Variants in UGT3A1 observed in about 807,000 individuals in gnomAD.
UGT3A1 encodes UDP glycosyltransferase family 3 member A1, also known as UDP-glycosyltransferase 3A1.
UGT3A1 carries 40 observed loss-of-function variants against 37.6 expected under a neutral mutation model. That is an observed-to-expected ratio of 1.06 (90% confidence interval 0.83 to 1.38). UGT3A1 has a LOEUF of 1.38. UGT3A1 is among the 40% of genes most tolerant of loss of function. The pLI is 0.00. For synonymous variants in UGT3A1, 256 were observed against 232.3 expected (o/e 1.10, Z -0.93); for missense variants, 642 against 634.2 (o/e 1.01, Z -0.13).
rs201281335 is a variant in UGT3A1, at chr5:35,957,384, T to G, written c.879A>C (p.Ala293=). ...LDNFIANFGD[A]GFVLVAFGSM... is the part of the protein sequence containing the mutation. ...AGCCAAAGGCCACAAGGACAAACCC[T>G]GCATCCCCAAAGTTGGCAATGAAGT... The change falls in exon 5 of 7, where the codon GCA becomes GCC. Residue 293 remains alanine, a synonymous_variant. Coordinates refer to ENST00000274278, the MANE Select transcript of UGT3A1 (RefSeq NM_152404.4). The G allele has an allele frequency of 5.0e-6, 8 of 1,614,118 alleles. No homozygotes were observed. Among genetic ancestry groups the G allele is most frequent in the Non-Finnish European group, 6.8e-6 (8 of 1,180,004 alleles).
At chr5:35,959,714 G>A (rs1237128477) in intron 4 of UGT3A1, among the ~76,000 whole-genome samples, 1 of 151,880 alleles carries the variant, frequency 6.6e-6, no homozygotes, top group Non-Finnish European at 1.5e-5. Context: ...CACTACGAGA[G>A]AAAATGAAAG....
intron 2 of UGT3A1, among the ~76,000 whole-genome samples, chr5:35,986,029 G>A (rs1740715719): frequency 6.6e-6 from 1 of 151,948 alleles, no homozygotes; most frequent in African/African-American, 2.4e-5. Context: ...AGTTAAAAAT[G>A]GGAAAAAGAT....
chr5:35,984,625 A>G (rs1402156970), intron 2 of UGT3A1, among the ~76,000 whole-genome samples: 2 of 151,894 alleles, frequency 1.3e-5, no homozygotes, highest in Admixed American at 6.6e-5. Context: ...AGCATGTGCC[A>G]TCACACCCAG....
In UGT3A1 at chr5:35,953,364, G is replaced by T. The variant is rs1389465045; in HGVS notation, c.*838C>A. The T allele has an allele frequency of 6.6e-6, 1 of 152,322 alleles. No homozygotes were observed. Among genetic ancestry groups the T allele is most frequent in the Non-Finnish European group, 1.5e-5 (1 of 68,028 alleles). The allele number at this position is 152,322 out of a possible 1,614,324, so 9.4% of individuals were successfully genotyped here. The stretch of plus-strand genomic sequence containing the variant: ...AAACTCTGGGGGTGTTTACGCCATG[G>T]TTTTTCTTGCTTCTGTTCCTAGCAG... On this transcript the variant is annotated 3_prime_UTR_variant, in exon 7 of 7. Transcript: ENST00000274278.
At position 35,951,502 on chromosome 5, in the gene UGT3A1, T is replaced by C. The variant is rs1056636795; in HGVS notation, c.*2700A>G. The C allele has an allele frequency of 3.3e-5, 5 of 152,216 alleles. No homozygotes were observed. Among genetic ancestry groups the C allele is most frequent in the Admixed American group, 1.3e-4 (2 of 15,280 alleles). 9.4% of individuals were successfully genotyped at this position (152,216 alleles called of 1,614,324 possible). Reference sequence around the variant, plus strand: ...TCCATATTAGCTTATTCTGCTTTTGTTTATTGTAGTTTAAAGCTGAATATT... The same window carrying C: ...TCCATATTAGCTTATTCTGCTTTTGCTTATTGTAGTTTAAAGCTGAATATT... On this transcript the variant is annotated 3_prime_UTR_variant, in exon 7 of 7. Transcript: ENST00000274278.
chr5:35,955,623 A>G, intron 6 of UGT3A1, 22 bp downstream of exon 6: 1 of 1,613,572 alleles, frequency 6.2e-7, no homozygotes, highest in Non-Finnish European at 8.5e-7. Context: ...CTTAGTGACC[A>G]CATGCTTAGA....
chr5:35,991,540 A>G, upstream of UGT3A1: 2 of 1,141,464 alleles, frequency 1.8e-6, no homozygotes, highest in Non-Finnish European at 2.2e-6. Flanking sequence ...CAGCTGTCCT[A>G]TCTGGAAAAT....
intron 2 of UGT3A1, among the ~76,000 whole-genome samples, chr5:35,974,103 G>T (rs1052803865): frequency 3.3e-5 from 5 of 152,146 alleles, no homozygotes; most frequent in Non-Finnish European, 5.9e-5. Context: ...CTTGGGAAAA[G>T]ACCCCACTAC....
intron 2 of UGT3A1, among the ~76,000 whole-genome samples, chr5:35,978,650 G>A (rs1313877067): frequency 1.3e-5 from 2 of 152,118 alleles, no homozygotes; most frequent in Admixed American, 1.3e-4. Context: ...TGCAAGATGA[G>A]ATTTGGGTGG....
intron 6 of UGT3A1, 87 bp from the exon 7 acceptor site, chr5:35,954,565 T>C: frequency 6.7e-7 from 1 of 1,486,508 alleles, no homozygotes; most frequent in Non-Finnish European, 9.1e-7. Context: ...CACACAAGCA[T>C]ACAAACACTT....
chr5:35,997,440 T>G (rs949658841), intron 1 of UGT3A1: 4 of 152,192 alleles, frequency 2.6e-5, no homozygotes, highest in African/African-American at 7.2e-5. Context: ...AATTTTTTTT[T>G]TTTTTGAGAC....
intron 2 of UGT3A1, among the ~76,000 whole-genome samples, chr5:35,970,348 C>G (rs556523705): frequency 2.6e-5 from 4 of 151,024 alleles, no homozygotes; most frequent in Admixed American, 6.6e-5. Flanking sequence ...GCTGAGATAG[C>G]GCCACTGCAC....
intron 4 of UGT3A1, chr5:35,960,783 T>C (rs1465678171): frequency 6.6e-6 from 1 of 151,790 alleles, no homozygotes; most frequent in Non-Finnish European, 1.5e-5. Context: ...TTTTATTGAG[T>C]GGTGGGGATG....
chr5:35,975,675 C>CT (rs898342306), intron 2 of UGT3A1, among the ~76,000 whole-genome samples: 2 of 150,558 alleles, frequency 1.3e-5, no homozygotes, highest in African/African-American at 2.4e-5. Flanking sequence ...TTTTTTTTTA[C>CT]TTTTTTTCAT....
rs1032695090 is a variant in UGT3A1 at position 35,965,379 on chromosome 5, C to T, written c.843+7G>A. 1 of 1,611,338 alleles carries T rather than the reference C, an allele frequency of 6.2e-7. No individual in the cohort carries two copies. The highest frequency in any genetic ancestry group is 1.3e-5 in the African/African-American group (1 of 74,768). Reference sequence around the variant, plus strand: ...AATCCCAAACTGAATGCTGAGGGTTCACTTACTTGTGGTACTGGTTTAATA... The same window carrying T: ...AATCCCAAACTGAATGCTGAGGGTTTACTTACTTGTGGTACTGGTTTAATA... On this transcript the variant is annotated splice_region_variant and intron_variant, in intron 4 of 6. Transcript: ENST00000274278.
At chr5:35,979,589 T>G (rs551521839) in intron 2 of UGT3A1, among the ~76,000 whole-genome samples, 15 of 152,258 alleles carry the variant, frequency 9.9e-5, no homozygotes, top group Admixed American at 4.6e-4. Context: ...TCAACAAGCC[T>G]CTAGGAAGTT....
intron 1 of UGT3A1, among the ~76,000 whole-genome samples, chr5:35,999,260 A>G (rs1580974539): frequency 6.7e-6 from 1 of 150,366 alleles, no homozygotes; most frequent in East Asian, 2.0e-4. Context: ...AAAATGTACA[A>G]TAAGTGTCAG....
chr5:35,977,065 G>T (rs936260158), intron 2 of UGT3A1, among the ~76,000 whole-genome samples: 2 of 135,476 alleles, frequency 1.5e-5, no homozygotes, highest in Admixed American at 1.6e-4. Context: ...AAGAGAAAGA[G>T]AAAGAAAGAA....
intron 2 of UGT3A1, among the ~76,000 whole-genome samples, chr5:35,981,208 G>T (rs1003470153): frequency 6.6e-6 from 1 of 152,138 alleles, no homozygotes; most frequent in African/African-American, 2.4e-5. Context: ...TTCCAAAATG[G>T]CATCATAGAA....
Sources: allele counts gnomAD v4.1 joint callset (sites outside exome capture counted in the v4.1 genomes callset), GRCh38; gene constraint gnomAD v4.1.1; transcripts MANE v1.5; gene names NCBI Gene and HGNC (gene_info 2026-07-23, HGNC 2026-07-21).